Variants in ADCYAP1R1 observed in about 807,000 individuals in gnomAD.
ADCYAP1R1 encodes the protein ADCYAP receptor type I.
A neutral mutation model predicts 67.6 loss-of-function variants in ADCYAP1R1; 44 were observed. The observed-to-expected ratio is 0.65, with a 90% CI of 0.51 to 0.84. The LOEUF (loss-of-function observed/expected upper bound fraction) is 0.84. ADCYAP1R1 is among the 40% of genes least tolerant of loss of function. ADCYAP1R1 has a pLI of 0.00. For missense variants in ADCYAP1R1, 477 were observed against 587.9 expected, an observed-to-expected ratio of 0.81 and a Z score of 1.95; for synonymous variants, 222 against 219.6, an observed-to-expected ratio of 1.01 and a Z score of -0.10.
chr7:31,054,437 G>A (rs1387708239), intron 1 of ADCYAP1R1, among the ~76,000 whole-genome samples: 1 of 152,188 alleles, frequency 6.6e-6, no homozygotes, highest in African/African-American at 2.4e-5. Flanking sequence ...ATTGATTGGA[G>A]AAACACTTTG....
intron 1 of ADCYAP1R1, among the ~76,000 whole-genome samples, chr7:31,059,203 C>CTATA (rs1360182166): frequency 1.3e-5 from 2 of 152,080 alleles, no homozygotes; most frequent in Non-Finnish European, 2.9e-5. Flanking sequence ...GAGTGCCAGG[C>CTATA]TATAGTATAT....
At position 31,106,476 on chromosome 7, in the gene ADCYAP1R1, G is replaced by A. The variant is rs764087007; in HGVS notation, c.1219-20G>A. On this transcript the variant is annotated intron_variant, in intron 15 of 15. Coordinates refer to ENST00000304166, the MANE Select transcript of ADCYAP1R1 (RefSeq NM_001118.5). Reference sequence around the variant, plus strand: ...AGAGGATGTCCATCTGGAAGTGACCGCCCAGTTTGCTCCCTGCAGGTACAA... The same window carrying A: ...AGAGGATGTCCATCTGGAAGTGACCACCCAGTTTGCTCCCTGCAGGTACAA... 4.9e-5 allele frequency: 77 copies of A among 1,585,522 alleles called. No homozygotes were observed. Among genetic ancestry groups the A allele is most frequent in the Middle Eastern group, 1.7e-4 (1 of 5,936 alleles).
intron 1 of ADCYAP1R1, among the ~76,000 whole-genome samples, chr7:31,054,645 C>T (rs1331087844): frequency 2.0e-5 from 3 of 152,216 alleles, no homozygotes; most frequent in Admixed American, 2.0e-4. Flanking sequence ...GGTTGCCGCC[C>T]TCCCAGGGAC....
intron 3 of ADCYAP1R1, among the ~76,000 whole-genome samples, chr7:31,076,723 C>T (rs1271816174): frequency 1.3e-5 from 2 of 152,164 alleles, no homozygotes; most frequent in Non-Finnish European, 2.9e-5. Flanking sequence ...ATTTGTGTCC[C>T]CTGCTGGGCC....
At chr7:31,066,270 T>A (rs1463051706) in intron 3 of ADCYAP1R1, among the ~76,000 whole-genome samples, 2 of 152,196 alleles carry the variant, frequency 1.3e-5, no homozygotes. Flanking sequence ...TGTTCCTGCA[T>A]TGCGTGTCTC....
chr7:31,079,494 C>T (rs559529941), intron 4 of ADCYAP1R1, among the ~76,000 whole-genome samples: 3 of 152,322 alleles, frequency 2.0e-5, no homozygotes, highest in African/African-American at 4.8e-5. Context: ...CTAGAAGGGG[C>T]GAGTTTCCAG....
chr7:31,075,699 G>T (rs1297226284), intron 3 of ADCYAP1R1, among the ~76,000 whole-genome samples: 1 of 152,184 alleles, frequency 6.6e-6, no homozygotes, highest in Admixed American at 6.5e-5. Context: ...GTTAAGGATT[G>T]AGGGTGCTAA....
chr7:31,063,289 C>T lies in ADCYAP1R1; in HGVS notation c.25C>T (p.Leu9=). Residue 9 remains leucine, a synonymous_variant, in exon 2 of 16, where the codon CTG becomes TTG. Transcript: ENST00000304166. ...CATGGCTGGTGTCGTGCACGTTTCCCTGGCTGCTCTCCTCCTGCTGCCTAT... is the reference window on the plus strand; with the variant it reads ...CATGGCTGGTGTCGTGCACGTTTCCTTGGCTGCTCTCCTCCTGCTGCCTAT... The part of the protein sequence containing the change: MAGVVHVS[L]AALLLLPMAP... The T allele has an allele frequency of 6.2e-7, 1 of 1,614,188 alleles. No individual in the cohort carries two copies. Among genetic ancestry groups the T allele is most frequent in the Non-Finnish European group, 8.5e-7 (1 of 1,180,024 alleles).
intron 12 of ADCYAP1R1, 103 bp downstream of exon 12, chr7:31,087,799 C>T: frequency 1.2e-6 from 1 of 842,258 alleles, no homozygotes; most frequent in Non-Finnish European, 1.9e-6. Flanking sequence ...CTGACTTCCT[C>T]CTCTGTCATG....
chr7:31,062,559 G>GTA (rs1794552782), intron 1 of ADCYAP1R1, among the ~76,000 whole-genome samples: 1 of 152,210 alleles, frequency 6.6e-6, no homozygotes, highest in African/African-American at 2.4e-5. Context: ...CCTCCAGGCA[G>GTA]GCTGGGTGGC....
chr7:31,088,302 T>G (rs1433296525), intron 12 of ADCYAP1R1, among the ~76,000 whole-genome samples: 1 of 152,234 alleles, frequency 6.6e-6, no homozygotes, highest in Non-Finnish European at 1.5e-5. Context: ...TAAAGGATAG[T>G]TAACACTTCC....
chr7:31,062,656 C>CAA (rs1483847248), intron 1 of ADCYAP1R1, among the ~76,000 whole-genome samples: 2 of 152,178 alleles, frequency 1.3e-5, no homozygotes, highest in Non-Finnish European at 2.9e-5. Flanking sequence ...TCCACACTGT[C>CAA]AAAGTGGGGT....
At chr7:31,093,483 C>G (rs1393453089) in intron 13 of ADCYAP1R1, among the ~76,000 whole-genome samples, 1 of 152,148 alleles carries the variant, frequency 6.6e-6, no homozygotes, top group Non-Finnish European at 1.5e-5. Flanking sequence ...ATTATGAAAT[C>G]AGACATAGCA....
chr7:31,085,277 A>G, intron 8 of ADCYAP1R1, 33 bp from the exon 9 acceptor site: 2 of 1,603,936 alleles, frequency 1.2e-6, no homozygotes, highest in Non-Finnish European at 1.7e-6. Context: ...TGTGGGGTCC[A>G]AGGCTTCTTT....
intron 1 of ADCYAP1R1, among the ~76,000 whole-genome samples, chr7:31,054,202 T>A (rs1036163829): frequency 6.6e-6 from 1 of 151,840 alleles, no homozygotes; most frequent in Admixed American, 6.6e-5. Context: ...GTGTGTGGGG[T>A]GACGATGGAG....
At chr7:31,101,874 C>T (rs1434052315) in intron 13 of ADCYAP1R1, among the ~76,000 whole-genome samples, 2 of 152,168 alleles carry the variant, frequency 1.3e-5, no homozygotes, top group Non-Finnish European at 2.9e-5. Flanking sequence ...GGAACCTGCT[C>T]GGATCCTGGT....
intron 3 of ADCYAP1R1, among the ~76,000 whole-genome samples, chr7:31,072,691 C>T (rs761478462): frequency 2.0e-5 from 3 of 152,210 alleles, no homozygotes; most frequent in East Asian, 3.8e-4. Flanking sequence ...TGTGGTAGGT[C>T]GAATAATGCC....
intron 13 of ADCYAP1R1, among the ~76,000 whole-genome samples, chr7:31,095,492 C>T (rs1194121645): frequency 6.6e-6 from 1 of 152,010 alleles, no homozygotes; most frequent in African/African-American, 2.4e-5. Flanking sequence ...GGTGTCTGCA[C>T]TGGGAGGAGG....
chr7:31,079,870 G>A (rs1387114201), intron 4 of ADCYAP1R1, among the ~76,000 whole-genome samples: 1 of 152,240 alleles, frequency 6.6e-6, no homozygotes, highest in Non-Finnish European at 1.5e-5. Flanking sequence ...ACAGGCAGCG[G>A]AAGTGCTGGA....
Sources: gnomAD v4.1 joint callset for allele counts (sites outside exome capture counted in the v4.1 genomes callset) on GRCh38, gnomAD v4.1.1 for gene constraint, MANE v1.5 for transcripts, NCBI Gene and HGNC (gene_info 2026-07-23, HGNC 2026-07-21) for gene names.